The following CILK1 variants were observed in gnomAD, a reference collection of about 807,000 sequenced individuals.
CILK1 encodes serine/threonine-protein kinase ICK.
CILK1 carries 47 observed loss-of-function variants against 79.2 expected under a neutral mutation model. The observed-to-expected ratio is 0.59, with a 90% confidence interval of 0.47 to 0.76. CILK1 has a LOEUF of 0.76. Ranked by LOEUF, CILK1 falls within the 30% of genes least tolerant of loss-of-function variation. The pLI, the probability that CILK1 is intolerant of heterozygous loss-of-function variation, is 0.00. For missense variants in CILK1, 660 were observed against 769.5 expected, an observed-to-expected ratio of 0.86 and a Z score of 1.68; for synonymous variants, 266 against 275.9, an observed-to-expected ratio of 0.96 and a Z score of 0.36.
In CILK1 at chr6:53,007,014, A is replaced by G. The variant is rs564155556; in HGVS notation, c.1622-577T>C. On this transcript the variant is annotated intron_variant, in intron 12 of 13. Transcript: ENST00000676107. ...TTCCACTTGGGAGTGCTTTAAGGGC[A>G]GGGACTGTATGCTACTCGTCTTGGT... Among the ~76,000 whole-genome samples the G allele has an allele frequency of 1.6e-3, 250 of 152,342 alleles. 1 individual carries two copies. The highest frequency in any genetic ancestry group is 5.6e-3 in the African/African-American group (233 of 41,582).
intron 1 of CILK1, among the ~76,000 whole-genome samples, chr6:53,044,588 T>C (rs1177379302): frequency 6.6e-6 from 1 of 152,090 alleles, no homozygotes; most frequent in African/African-American, 2.4e-5. Context: ...GGAAAACAAA[T>C]GGGGTAAAAT....
intron 1 of CILK1, among the ~76,000 whole-genome samples, chr6:53,058,798 T>G (rs932997755): frequency 1.3e-5 from 2 of 151,622 alleles, no homozygotes; most frequent in African/African-American, 2.4e-5. Context: ...CACACTCACA[T>G]AGATCCCACA....
Position 53,002,089 on chromosome 6 carries a change from A to T in CILK1, c.*3060T>A, listed in dbSNP as rs1763970534. Reference sequence around the variant, plus strand: ...AGTCCTTTAGGCAAGAGATACATTTAAAAAATTATTTGAAAATCAAGTTTC... The same window carrying T: ...AGTCCTTTAGGCAAGAGATACATTTTAAAAATTATTTGAAAATCAAGTTTC... On this transcript the variant is annotated 3_prime_UTR_variant, in exon 14 of 14. Transcript: ENST00000676107. 1 of 152,402 alleles carries T rather than the reference A, an allele frequency of 6.6e-6. No homozygotes were observed. 9.4% of individuals were successfully genotyped at this position (152,402 alleles called of 1,614,324 possible). A position where few individuals can be genotyped will look rare whatever the true frequency, so the allele number is the denominator to read the frequency against.
At position 53,012,156 on chromosome 6, in the gene CILK1, A is replaced by G. The variant is rs1474941195; in HGVS notation, c.1224T>C (p.Ile408=). The G allele has an allele frequency of 6.2e-7, 1 of 1,614,162 alleles. No individual in the cohort carries two copies. Among genetic ancestry groups the G allele is most frequent in the Non-Finnish European group, 8.5e-7 (1 of 1,180,032 alleles). The stretch of plus-strand genomic sequence containing the variant: ...CATCTGAATCCTTTGTTGACCTGGA[A>G]ATAAGACCCCACCTTCTCCTACTCT... The part of the protein sequence containing the change: ...KPKSRRRWGL[I]SRSTKDSDDW... Residue 408 remains isoleucine, a synonymous_variant, in exon 10 of 14, where the codon ATT becomes ATC. Transcript: ENST00000676107.
chr6:53,013,704 G>T lies in CILK1; in HGVS notation c.1110C>A (p.Ser370Arg). The T allele has an allele frequency of 6.3e-7, 1 of 1,584,282 alleles. No individual in the cohort carries two copies. Among genetic ancestry groups the T allele is most frequent in the Non-Finnish European group, 8.7e-7 (1 of 1,154,126 alleles). The change falls in exon 9 of 14, where the codon AGC becomes AGA. Residue 370 changes from serine (S) to arginine (R), a missense_variant. Physicochemically the swap from Ser to Arg is moderately radical, Grantham distance 110. Coordinates refer to ENST00000676107, the MANE Select transcript of CILK1 (RefSeq NM_014920.5). ...TGTGGAGGGATGGGAAAAGCAACGG[G>T]CTTGGCTTGTCCTCCTGGAGATGGC... ...HPSHLQEDKP[S>R]PLLFPSLHNK...
Position 53,016,088 on chromosome 6 carries a change from T to C in CILK1, c.826A>G (p.Ser276Gly). 1 of 1,613,956 alleles carries C rather than the reference T, an allele frequency of 6.2e-7. No individual in the cohort carries two copies. The highest frequency in any genetic ancestry group is 8.5e-7 in the Non-Finnish European group (1 of 1,179,828). Reference sequence around the variant, plus strand: ...ACAAGAAAATGGAAGAAAACCTGACTAGCTGTTGGTCGTTTCTTGGGATCC... The same window carrying C: ...ACAAGAAAATGGAAGAAAACCTGACCAGCTGTTGGTCGTTTCTTGGGATCC... ...QWDPKKRPTA[S>G]QALRYPYFQV... The change falls in exon 8 of 14, where the codon AGT (serine) becomes GGT (glycine). Residue 276 changes from serine (S) to glycine (G), a missense_variant. Coordinates refer to ENST00000676107, the MANE Select transcript of CILK1 (RefSeq NM_014920.5).
chr6:53,029,772 C>T (rs1417400589), intron 5 of CILK1, among the ~76,000 whole-genome samples: 2 of 152,202 alleles, frequency 1.3e-5, no homozygotes, highest in African/African-American at 2.4e-5. Flanking sequence ...AAAGGGCTTC[C>T]ACCCAGTCTC....
At chr6:53,057,812 T>C (rs946033904) in intron 1 of CILK1, 9 of 152,212 alleles carry the variant, frequency 5.9e-5, no homozygotes, top group African/African-American at 2.2e-4. Flanking sequence ...CAGAGTAGAA[T>C]ATTTTGAAAT....
intron 3 of CILK1, among the ~76,000 whole-genome samples, chr6:53,033,372 C>T (rs991466190): frequency 2.0e-5 from 3 of 152,160 alleles, no homozygotes; most frequent in Admixed American, 2.0e-4. Flanking sequence ...ACATATGTAC[C>T]TTTCCTCTTC....
At chr6:53,055,757 C>T (rs1388652164) in intron 1 of CILK1, among the ~76,000 whole-genome samples, 1 of 152,138 alleles carries the variant, frequency 6.6e-6, no homozygotes, top group African/African-American at 2.4e-5. Flanking sequence ...GTGCTCACGC[C>T]TTGAACCTTA....
At chr6:53,011,207 C>T (rs1764550097) in intron 11 of CILK1, among the ~76,000 whole-genome samples, 1 of 152,154 alleles carries the variant, frequency 6.6e-6, no homozygotes, top group Admixed American at 6.5e-5. Flanking sequence ...GGGCCTCAGA[C>T]ATGCCGCCCA....
Position 53,003,393 on chromosome 6 carries a change from T to C in CILK1, c.*1756A>G, listed in dbSNP as rs1285324528. 6.6e-6 allele frequency: 1 copy of C among 152,190 alleles called. No homozygotes were observed. Among genetic ancestry groups the C allele is most frequent in the Non-Finnish European group, 1.5e-5 (1 of 68,034 alleles). The allele number at this position is 152,190 out of a possible 1,614,324, so 9.4% of individuals were successfully genotyped here. A position where few individuals can be genotyped will look rare whatever the true frequency, so the allele number is the denominator to read the frequency against. Reference sequence around the variant, plus strand: ...GGCAATAATTTACCAAGTCATTAGGTTGAACCATATGAAAGTGTCTATATT... The same window carrying C: ...GGCAATAATTTACCAAGTCATTAGGCTGAACCATATGAAAGTGTCTATATT... On this transcript the variant is annotated 3_prime_UTR_variant, in exon 14 of 14. Coordinates refer to ENST00000676107, the MANE Select transcript of CILK1 (RefSeq NM_014920.5).
At chr6:53,031,494 T>A (rs1024305234) in intron 4 of CILK1, among the ~76,000 whole-genome samples, 2 of 152,160 alleles carry the variant, frequency 1.3e-5, no homozygotes, top group Non-Finnish European at 1.5e-5. Flanking sequence ...GCCGTCATTG[T>A]CAATAAAGAT....
chr6:53,033,212 A>T (rs1766085627), intron 3 of CILK1, among the ~76,000 whole-genome samples: 1 of 152,224 alleles, frequency 6.6e-6, no homozygotes, highest in Non-Finnish European at 1.5e-5. Context: ...GAGGACCAGA[A>T]GGAGACGGAA....
At chr6:53,026,054 G>A (rs1765550518) in intron 5 of CILK1, among the ~76,000 whole-genome samples, 1 of 152,132 alleles carries the variant, frequency 6.6e-6, no homozygotes. Flanking sequence ...TATCCTTCCT[G>A]TGCCTTAGTT....
At chr6:53,016,471 G>T (rs1764902579) in intron 7 of CILK1, among the ~76,000 whole-genome samples, 1 of 151,904 alleles carries the variant, frequency 6.6e-6, no homozygotes, top group African/African-American at 2.4e-5. Context: ...TAGTGGAAAA[G>T]ACACTGGATT....
At chr6:53,056,871 C>T (rs917430172) in intron 1 of CILK1, among the ~76,000 whole-genome samples, 1 of 152,228 alleles carries the variant, frequency 6.6e-6, no homozygotes, top group Non-Finnish European at 1.5e-5. Context: ...CGCCCCACTT[C>T]TTTGCAAACT....
In CILK1 at chr6:53,002,385, T is replaced by C. The variant is rs1302580700; in HGVS notation, c.*2764A>G. ...GACTGTAAATGAGGTATAGTCCTGA[T>C]AGGTACAGTTACAGGTATATCATTT... On this transcript the variant is annotated 3_prime_UTR_variant, in exon 14 of 14. Transcript: ENST00000676107. 1 of 152,216 alleles carries C rather than the reference T, an allele frequency of 6.6e-6. No individual in the cohort carries two copies. Among genetic ancestry groups the C allele is most frequent in the African/African-American group, 2.4e-5 (1 of 41,462 alleles). 9.4% of individuals were successfully genotyped at this position (152,216 alleles called of 1,614,324 possible).
chr6:53,023,022 C>T (rs891106149), intron 5 of CILK1, among the ~76,000 whole-genome samples: 34 of 152,050 alleles, frequency 2.2e-4, no homozygotes, highest in African/African-American at 7.7e-4. Flanking sequence ...CCAGCTCTGC[C>T]TCCTGGGTTC....
Sources: allele counts gnomAD v4.1 joint callset (sites outside exome capture counted in the v4.1 genomes callset), GRCh38; gene constraint gnomAD v4.1.1; transcripts MANE v1.5; gene names NCBI Gene and HGNC (gene_info 2026-07-23, HGNC 2026-07-21).